Variants in WDR43 observed in about 807,000 individuals in gnomAD.
WDR43 encodes the protein WD repeat domain 43.
In WDR43, 13 loss-of-function variants were observed where a neutral mutation model predicts 91.4. The observed-to-expected ratio is 0.14, with a 90% CI of 0.09 to 0.23. The LOEUF (loss-of-function observed/expected upper bound fraction) is 0.23. Among genes scored for constraint, WDR43 ranks in the 10% least tolerant of loss-of-function variants. The pLI is 1.00. For synonymous variants in WDR43, 331 were observed against 287.9 expected (o/e 1.15, Z -1.51); for missense variants, 780 against 809.4 (o/e 0.96, Z 0.44).
intron 16 of WDR43, among the ~76,000 whole-genome samples, chr2:28,946,083 C>G (rs1671537776): frequency 6.6e-6 from 1 of 152,024 alleles, no homozygotes; most frequent in Non-Finnish European, 1.5e-5. Context: ...TGCCTATAAT[C>G]CCAGCACTTT....
At chr2:28,922,797 G>GTTTTC in intron 6 of WDR43, 122 bp from the exon 7 acceptor site, 2 of 232,280 alleles carry the variant, frequency 8.6e-6, no homozygotes, top group Non-Finnish European at 7.7e-6. Flanking sequence ...TTCTTGCTGT[G>GTTTTC]TTTTTTTTTT....
At chr2:28,936,530 C>A (rs939802390) in intron 12 of WDR43, among the ~76,000 whole-genome samples, 1 of 152,128 alleles carries the variant, frequency 6.6e-6, no homozygotes, top group Non-Finnish European at 1.5e-5. Flanking sequence ...AGATACAATT[C>A]ACGTAGCATA....
intron 1 of WDR43, among the ~76,000 whole-genome samples, chr2:28,900,990 T>G (rs1670569688): frequency 1.3e-5 from 2 of 152,192 alleles, no homozygotes; most frequent in African/African-American, 4.8e-5. Context: ...GGTAACGTTG[T>G]GGTTGTCATT....
intron 16 of WDR43, among the ~76,000 whole-genome samples, chr2:28,943,663 C>T (rs551063301): frequency 6.6e-6 from 1 of 152,192 alleles, no homozygotes; most frequent in South Asian, 2.1e-4. Context: ...TCTGTGGACT[C>T]TTGGTGTGTT....
intron 11 of WDR43, among the ~76,000 whole-genome samples, chr2:28,935,068 T>C (rs1671313639): frequency 6.6e-6 from 1 of 152,196 alleles, no homozygotes; most frequent in African/African-American, 2.4e-5. Context: ...GCTCTCATTA[T>C]GTCATCTTTT....
At chr2:28,927,526 G>T in intron 9 of WDR43, 43 bp from the exon 10 acceptor site, 1 of 1,607,506 alleles carries the variant, frequency 6.2e-7, no homozygotes, top group Non-Finnish European at 8.5e-7. Context: ...AAGGACTAAG[G>T]TATGATTTCC....
At chr2:28,896,603 G>C (rs1320701448) in intron 1 of WDR43, among the ~76,000 whole-genome samples, 1 of 152,106 alleles carries the variant, frequency 6.6e-6, no homozygotes, top group Non-Finnish European at 1.5e-5. Context: ...CTCGGTTCTT[G>C]GTTATCTGCA....
intron 3 of WDR43, among the ~76,000 whole-genome samples, chr2:28,907,612 CA>C (rs112486794): frequency 8.0e-4 from 106 of 132,330 alleles, no homozygotes; most frequent in East Asian, 3.5e-3. Flanking sequence ...GACGCTGTCT[CA>C]AAAAAAAAAA....
intron 10 of WDR43, 176 bp downstream of exon 10, chr2:28,927,876 T>C: frequency 3.1e-6 from 3 of 983,436 alleles, no homozygotes; most frequent in Non-Finnish European, 4.3e-6. Context: ...ATTGTCATCT[T>C]TGTTTAACAG....
intron 6 of WDR43, among the ~76,000 whole-genome samples, chr2:28,922,054 A>G (rs928894518): frequency 6.6e-6 from 1 of 152,202 alleles, no homozygotes; most frequent in African/African-American, 2.4e-5. Flanking sequence ...AGAAAGAATG[A>G]AATTTTCTTT....
chr2:28,930,558 T>C (rs1490892801), intron 11 of WDR43, among the ~76,000 whole-genome samples: 1 of 152,200 alleles, frequency 6.6e-6, no homozygotes, highest in Non-Finnish European at 1.5e-5. Context: ...AGTTTGTGAA[T>C]GTGTGTATTG....
rs1277442641 is a variant in WDR43 at position 28,905,900 on chromosome 2, C to G, written c.364-560C>G. Among the ~76,000 whole-genome samples the G allele has an allele frequency of 3.3e-5, 5 of 152,026 alleles. No homozygotes were observed. In the East Asian group the frequency reaches 9.7e-4, roughly 29 times the overall value. ...CAGGCTGGTCCTGACCTCAGGTGAT[C>G]CGCCTGCCTCAGCCTCCCAAAGTGC... is the stretch of plus-strand genomic sequence containing the variant. On this transcript the variant is annotated intron_variant, in intron 2 of 17. Coordinates refer to ENST00000407426, the MANE Select transcript of WDR43 (RefSeq NM_015131.3).
chr2:28,945,090 A>T (rs577242163), intron 16 of WDR43, among the ~76,000 whole-genome samples: 3 of 152,252 alleles, frequency 2.0e-5, no homozygotes, highest in Non-Finnish European at 4.4e-5. Context: ...GTGTTATAAC[A>T]GCATACTGGA....
chr2:28,903,914 C>T (rs1056179169), intron 2 of WDR43, among the ~76,000 whole-genome samples: 2 of 152,158 alleles, frequency 1.3e-5, no homozygotes, highest in Admixed American at 6.5e-5. Context: ...AAGTGATTTT[C>T]GTGCCTCAGC....
Position 28,939,785 on chromosome 2 carries a change from A to G in WDR43, c.1621-1676A>G, listed in dbSNP as rs182728293. Among the ~76,000 whole-genome samples the G allele has an allele frequency of 4.6e-5, 7 of 152,316 alleles. No homozygotes were observed. In the East Asian group the frequency reaches 9.6e-4, roughly 21 times the overall value. On this transcript the variant is annotated intron_variant, in intron 14 of 17. Coordinates refer to ENST00000407426, the MANE Select transcript of WDR43 (RefSeq NM_015131.3). Reference sequence around the variant, plus strand: ...ACACTTTTTTACTAAAGTATTAGAAATAGGAGTGCAGGTAAAGGCTAATCA... The same window carrying G: ...ACACTTTTTTACTAAAGTATTAGAAGTAGGAGTGCAGGTAAAGGCTAATCA...
intron 4 of WDR43, 178 bp from the exon 5 acceptor site, chr2:28,913,891 A>AG: frequency 1.3e-6 from 1 of 794,554 alleles, no homozygotes. Context: ...TTTTTTAAAA[A>AG]GTGGGAGAAT....
In WDR43 at chr2:28,946,796, C is replaced by T. The variant is rs183288072; in HGVS notation, c.*17C>T. ...GAAGAATGAAGACAGCAAAGCAAGC[C>T]GGTCAAACTATATAAACTCTGGCTC... On this transcript the variant is annotated 3_prime_UTR_variant, in exon 18 of 18. Coordinates refer to ENST00000407426, the MANE Select transcript of WDR43 (RefSeq NM_015131.3). 238 of 1,560,142 alleles carry T rather than the reference C, an allele frequency of 1.5e-4. No homozygotes were observed. In the Middle Eastern group the frequency reaches 3.5e-3, roughly 23 times the overall value.
intron 1 of WDR43, among the ~76,000 whole-genome samples, chr2:28,901,451 A>G (rs1670576108): frequency 6.6e-6 from 1 of 152,236 alleles, no homozygotes; most frequent in Non-Finnish European, 1.5e-5. Context: ...TCTACTAGTT[A>G]AAGCTATTTG....
chr2:28,906,461 G>A lies in WDR43; in HGVS notation c.365G>A (p.Ser122Asn). 6.4e-7 allele frequency: 1 copy of A among 1,554,338 alleles called. No homozygotes were observed. The highest frequency in any genetic ancestry group is 8.7e-7 in the Non-Finnish European group (1 of 1,150,558). ...VKGELHSKLI[S>N]GGHDNRVNCI... ...TTTTTTTTTTTTTTTAATCTACAGA[G>A]TGGTGGACATGACAACAGAGTCAAC... Residue 122 changes from serine (S) to asparagine (N), a missense_variant and splice_region_variant, in exon 3 of 18, where the codon AGT becomes AAT. Ser to Asn is a conservative substitution (Grantham distance 46). Around this residue, in one of 4 missense-constraint regions of WDR43, gnomAD observed 174 missense variants for 207.3 expected, o/e 0.84. Transcript: ENST00000407426.
Sources: allele counts gnomAD v4.1 joint callset (sites outside exome capture counted in the v4.1 genomes callset), GRCh38; gene constraint gnomAD v4.1.1; regional missense constraint gnomAD v4.1.1; transcripts MANE v1.5; gene names NCBI Gene and HGNC (gene_info 2026-07-23, HGNC 2026-07-21).